Variants in NAALADL2 observed in about 807,000 individuals in gnomAD.
The protein encoded by NAALADL2 is inactive N-acetylated-alpha-linked acidic dipeptidase-like protein 2.
Under a neutral mutation model 87.2 loss-of-function variants are expected in NAALADL2, and 76 were observed. The observed-to-expected ratio is 0.87, with a 90% CI of 0.72 to 1.05. NAALADL2 has a LOEUF of 1.05. NAALADL2 is among the 50% of genes least tolerant of loss of function. The probability of loss-of-function intolerance (pLI) is 0.00; values close to 1 mark genes in which losing one functional copy is unlikely to be tolerated. For synonymous variants in NAALADL2, 354 were observed against 331.0 expected, an observed-to-expected ratio of 1.07 and a Z score of -0.75; for missense variants, 1,089 against 945.8, an observed-to-expected ratio of 1.15 and a Z score of -1.99.
intron 5 of NAALADL2, among the ~76,000 whole-genome samples, chr3:175,420,238 T>C (rs1224875184): frequency 6.6e-6 from 1 of 152,042 alleles, no homozygotes; most frequent in East Asian, 1.9e-4. Context: ...CTGCATGTTT[T>C]AGCCTGATTA....
chr3:174,465,533 A>C (rs1716483964), intron 1 of NAALADL2, among the ~76,000 whole-genome samples: 1 of 152,196 alleles, frequency 6.6e-6, no homozygotes, highest in South Asian at 2.1e-4. Context: ...GTTTCCAAAT[A>C]GTTGTTAGGT....
intron 2 of NAALADL2, among the ~76,000 whole-genome samples, chr3:175,212,744 G>A (rs963995337): frequency 1.3e-4 from 20 of 152,070 alleles, no homozygotes; most frequent in Non-Finnish European, 1.2e-4. Flanking sequence ...TCCCAGAAAT[G>A]AGCAGCTCTA....
At chr3:174,597,840 T>G (rs889835280) in intron 2 of NAALADL2, among the ~76,000 whole-genome samples, 1 of 152,212 alleles carries the variant, frequency 6.6e-6, no homozygotes, top group African/African-American at 2.4e-5. Flanking sequence ...AATGCTGTAG[T>G]TGAGAATCCC....
chr3:174,617,933 TA>T (rs1471721164), intron 2 of NAALADL2, among the ~76,000 whole-genome samples: 5 of 151,726 alleles, frequency 3.3e-5, no homozygotes, highest in Non-Finnish European at 5.9e-5. Context: ...ACTTATCCTC[TA>T]AAAAGGATCG....
chr3:175,539,129 C>A (rs1035018360), intron 9 of NAALADL2, among the ~76,000 whole-genome samples: 1 of 152,098 alleles, frequency 6.6e-6, no homozygotes, highest in Non-Finnish European at 1.5e-5. Context: ...CCTCAAGGGA[C>A]CTCGGGAACA....
At chr3:175,373,868 C>G (rs1249725819) in intron 5 of NAALADL2, among the ~76,000 whole-genome samples, 2 of 152,058 alleles carry the variant, frequency 1.3e-5, no homozygotes, top group African/African-American at 2.4e-5. Context: ...GTGTATTTGA[C>G]TCTGATTATA....
chr3:175,534,801 G>C (rs576052486), intron 9 of NAALADL2, among the ~76,000 whole-genome samples: 1 of 151,856 alleles, frequency 6.6e-6, no homozygotes, highest in South Asian at 2.1e-4. Flanking sequence ...TTGGTTCTAT[G>C]ATTGGTTTTC....
chr3:175,654,664 G>A (rs528901529), intron 11 of NAALADL2, among the ~76,000 whole-genome samples: 82 of 152,282 alleles, frequency 5.4e-4, no homozygotes, highest in African/African-American at 1.8e-3. Context: ...TAGCTGTAGC[G>A]ATGGCTTCAC....
At chr3:175,600,826 C>T (rs1013425612) in intron 10 of NAALADL2, among the ~76,000 whole-genome samples, 46 of 152,026 alleles carry the variant, frequency 3.0e-4, no homozygotes, top group Middle Eastern at 3.2e-3. Context: ...CGTGAGCCAC[C>T]GCGCCCGGCC....
Position 175,107,531 on chromosome 3 carries a change from C to A in NAALADL2, c.545+10240C>A, listed in dbSNP as rs1560036158. 6.7e-3 allele frequency among the ~76,000 whole-genome samples: 1,013 copies of A among 150,902 alleles called. 8 individuals are homozygous for A. Among genetic ancestry groups the A allele is most frequent in the African/African-American group, 0.022 (884 of 41,026 alleles). On this transcript the variant is annotated intron_variant, in intron 2 of 13. Transcript: ENST00000454872. Reference sequence around the variant, plus strand: ...ACACATACACACACACACACACACACACAAACACACACACACACATCCTAT... The same window carrying A: ...ACACATACACACACACACACACACAAACAAACACACACACACACATCCTAT...
At chr3:175,780,452 CAT>C (rs1750896892) in intron 13 of NAALADL2, among the ~76,000 whole-genome samples, 1 of 151,860 alleles carries the variant, frequency 6.6e-6, no homozygotes, top group South Asian at 2.1e-4. Flanking sequence ...TATATACACA[CAT>C]ATCTCAAAAA....
At chr3:175,080,477 CT>C (rs1180532962) in intron 1 of NAALADL2, among the ~76,000 whole-genome samples, 1 of 152,162 alleles carries the variant, frequency 6.6e-6, no homozygotes, top group Non-Finnish European at 1.5e-5. Flanking sequence ...AAATATGTGT[CT>C]TTATGAATTA....
At chr3:175,298,095 T>G (rs1756603213) in intron 4 of NAALADL2, among the ~76,000 whole-genome samples, 1 of 152,122 alleles carries the variant, frequency 6.6e-6, no homozygotes, top group African/African-American at 2.4e-5. Context: ...TTTTATAACT[T>G]TTTCAAATAA....
intron 4 of NAALADL2, among the ~76,000 whole-genome samples, chr3:175,313,673 C>A (rs1758672825): frequency 6.6e-6 from 1 of 152,060 alleles, no homozygotes; most frequent in African/African-American, 2.4e-5. Context: ...AGTAGACTGC[C>A]CAAATGGCAA....
At chr3:174,537,107 C>T (rs555952198) in intron 1 of NAALADL2, among the ~76,000 whole-genome samples, 1 of 152,234 alleles carries the variant, frequency 6.6e-6, no homozygotes, top group East Asian at 1.9e-4. Context: ...AACACTACTG[C>T]CATCATACTA....
chr3:174,555,773 G>A (rs1169569954), intron 2 of NAALADL2, among the ~76,000 whole-genome samples: 1 of 152,144 alleles, frequency 6.6e-6, no homozygotes, highest in Non-Finnish European at 1.5e-5. Flanking sequence ...TCTCTAGAAT[G>A]AGGATCTTAC....
At chr3:174,490,686 T>G (rs1403321716) in intron 1 of NAALADL2, among the ~76,000 whole-genome samples, 1 of 152,040 alleles carries the variant, frequency 6.6e-6, no homozygotes, top group Non-Finnish European at 1.5e-5. Context: ...TTGAAAACAA[T>G]GGAATGAAGT....
At chr3:175,650,360 G>A (rs942407031) in intron 11 of NAALADL2, among the ~76,000 whole-genome samples, 1 of 152,114 alleles carries the variant, frequency 6.6e-6, no homozygotes, top group African/African-American at 2.4e-5. Flanking sequence ...GAACTCAAAG[G>A]AATTTTTTTA....
In NAALADL2 at chr3:175,479,621, A is replaced by G. The variant is rs376452733; in HGVS notation, c.1653+7863A>G. On this transcript the variant is annotated intron_variant, in intron 9 of 13. Coordinates refer to ENST00000454872, the MANE Select transcript of NAALADL2 (RefSeq NM_207015.3). ...CCACAATTTGCATTTTTCAGTGCAA[A>G]TACACTTTTTCAGAAGCACAACTCT... Among the ~76,000 whole-genome samples the G allele has an allele frequency of 2.6e-4, 39 of 151,860 alleles. 1 individual carries two copies. In the East Asian group the frequency reaches 5.4e-3, roughly 21 times the overall value.
Sources: gnomAD v4.1 joint callset for allele counts (sites outside exome capture counted in the v4.1 genomes callset) on GRCh38, gnomAD v4.1.1 for gene constraint, MANE v1.5 for transcripts, NCBI Gene and HGNC (gene_info 2026-07-23, HGNC 2026-07-21) for gene names.